Variants in C6orf163 observed in about 807,000 individuals in gnomAD.
C6orf163 encodes the protein chromosome 6 open reading frame 163.
A neutral mutation model predicts 28.4 loss-of-function variants in C6orf163; 22 were observed. The ratio of observed to expected loss-of-function variants is 0.78; its 90% CI spans 0.55 to 1.11. The LOEUF (loss-of-function observed/expected upper bound fraction) is 1.11. Among genes scored for constraint, C6orf163 ranks in the 50% least tolerant of loss-of-function variants. The pLI, the probability that C6orf163 is intolerant of heterozygous loss-of-function variation, is 0.00. For synonymous variants in C6orf163, 110 were observed against 123.6 expected (o/e 0.89, Z 0.73); for missense variants, 342 against 389.1 (o/e 0.88, Z 1.02).
Position 87,350,509 on chromosome 6 carries a change from T to G in C6orf163, c.351+8T>G, listed in dbSNP as rs1172010912. On this transcript the variant is annotated splice_region_variant and intron_variant, in intron 3 of 4. Transcript: ENST00000388923. ...CATCAGAAAGATTTACAGGTTTTTA[T>G]AGTGGCTTATTTGTTGTCTTTTAAA... 1 of 1,423,592 alleles carries G rather than the reference T, an allele frequency of 7.0e-7. No homozygotes were observed. The highest frequency in any genetic ancestry group is 2.5e-5 in the East Asian group (1 of 40,372). The allele number at this position is 1,423,592 out of a possible 1,614,324, so 88.2% of individuals were successfully genotyped here. A position where few individuals can be genotyped will look rare whatever the true frequency, so the allele number is the denominator to read the frequency against.
intron 1 of C6orf163, chr6:87,347,891 C>T (rs536606423): frequency 3.6e-4 from 351 of 984,750 alleles, no homozygotes; most frequent in Non-Finnish European, 3.9e-4. Flanking sequence ...CATGGTGGCT[C>T]ACGCCTGTAA....
Position 87,347,796 on chromosome 6 carries a change from C to T in C6orf163, c.149-1016C>T, listed in dbSNP as rs73755410. Reference sequence around the variant, plus strand: ...TTTACTGCTGCAGCTAGACTTACTCCGGCAGCTGGGAAAGGAGGAATGTGG... The same window carrying T: ...TTTACTGCTGCAGCTAGACTTACTCTGGCAGCTGGGAAAGGAGGAATGTGG... On this transcript the variant is annotated intron_variant, in intron 1 of 4. Coordinates refer to ENST00000388923, the MANE Select transcript of C6orf163 (RefSeq NM_001010868.3). The T allele has an allele frequency of 3.6e-3, 3,568 of 985,484 alleles. 87 individuals are homozygous for T. In the African/African-American group the frequency reaches 0.054, roughly 15 times the overall value. The allele number at this position is 985,484 out of a possible 1,614,324, so 61.0% of individuals were successfully genotyped here. A position where few individuals can be genotyped will look rare whatever the true frequency, so the allele number is the denominator to read the frequency against.
At chr6:87,360,332 C>A (rs1777563722) in intron 4 of C6orf163, among the ~76,000 whole-genome samples, 1 of 151,948 alleles carries the variant, frequency 6.6e-6, no homozygotes, top group African/African-American at 2.4e-5. Flanking sequence ...TTACACATAT[C>A]CCAAGAATTG....
At chr6:87,364,076 G>GAGTTTGAGATCAGC (rs1176437129) in intron 4 of C6orf163, among the ~76,000 whole-genome samples, 2 of 152,122 alleles carry the variant, frequency 1.3e-5, no homozygotes, top group African/African-American at 4.8e-5. Context: ...TTGAGGTCAG[G>GAGTTTGAGATCAGC]AGTTTGAGAT....
chr6:87,358,811 A>C (rs1044593740), intron 4 of C6orf163, among the ~76,000 whole-genome samples: 4 of 152,112 alleles, frequency 2.6e-5, no homozygotes, highest in Admixed American at 2.0e-4. Context: ...ATCATCCTAC[A>C]TATCTTCAGG....
At chr6:87,354,197 T>C (rs994557378) in intron 3 of C6orf163, among the ~76,000 whole-genome samples, 1 of 152,146 alleles carries the variant, frequency 6.6e-6, no homozygotes, top group Non-Finnish European at 1.5e-5. Flanking sequence ...AGATTAAATA[T>C]TGGAAAGTAA....
chr6:87,360,915 C>T (rs572957422), intron 4 of C6orf163, among the ~76,000 whole-genome samples: 24 of 152,286 alleles, frequency 1.6e-4, no homozygotes, highest in African/African-American at 5.8e-4. Context: ...CCTCGACGCA[C>T]TGCACCCCAC....
At chr6:87,346,373 A>G (rs1485555155) in intron 1 of C6orf163, among the ~76,000 whole-genome samples, 2 of 152,210 alleles carry the variant, frequency 1.3e-5, no homozygotes, top group Admixed American at 1.3e-4. Context: ...GCTTAGTATG[A>G]ATGATTCATT....
In C6orf163 at chr6:87,365,319, G is replaced by A. The variant is rs1777629967; in HGVS notation, c.913G>A (p.Ala305Thr). ...YTFPKLSPGH[A>T]DFILPERKKT... ...CTTTCCTAAGCTTTCACCAGGACAT[G>A]CAGATTTTATTCTGCCAGAAAGAAA... The change falls in exon 5 of 5, where the codon GCA (alanine) becomes ACA (threonine). Residue 305 changes from alanine to threonine, a missense_variant. Coordinates refer to ENST00000388923, the MANE Select transcript of C6orf163 (RefSeq NM_001010868.3). 2 of 1,551,478 alleles carry A rather than the reference G, an allele frequency of 1.3e-6. No individual in the cohort carries two copies. Among genetic ancestry groups the A allele is most frequent in the Non-Finnish European group, 1.7e-6 (2 of 1,146,816 alleles).
At chr6:87,349,298 G>A (rs940944021) in intron 2 of C6orf163, among the ~76,000 whole-genome samples, 1 of 152,138 alleles carries the variant, frequency 6.6e-6, no homozygotes, top group South Asian at 2.1e-4. Flanking sequence ...CTTGTTGATA[G>A]TTGTTTCTTA....
intron 1 of C6orf163, chr6:87,347,488 A>G: frequency 1.0e-6 from 1 of 985,394 alleles, no homozygotes; most frequent in Non-Finnish European, 1.2e-6. Flanking sequence ...TTGTCCTAGA[A>G]AATCTTTTCT....
At chr6:87,361,152 G>T (rs908674991) in intron 4 of C6orf163, among the ~76,000 whole-genome samples, 1 of 152,116 alleles carries the variant, frequency 6.6e-6, no homozygotes, top group East Asian at 1.9e-4. Flanking sequence ...GGGCATGGTC[G>T]CACATGCCTG....
In C6orf163 at chr6:87,350,707, T is replaced by C. The variant is rs571169189; in HGVS notation, c.351+206T>C. ...AGTGAAGAAGAACCCCATAGCTTAC[T>C]TCCCAAGGGAAGCTTTGCCTGACCA... On this transcript the variant is annotated intron_variant, in intron 3 of 4. Coordinates refer to ENST00000388923, the MANE Select transcript of C6orf163 (RefSeq NM_001010868.3). Among the ~76,000 whole-genome samples, 4 of 152,340 alleles carry C rather than the reference T, an allele frequency of 2.6e-5. No homozygotes were observed. In the South Asian group the frequency reaches 8.3e-4, roughly 32 times the overall value.
intron 4 of C6orf163, chr6:87,357,563 T>A (rs1199843890): frequency 6.6e-6 from 1 of 152,244 alleles, no homozygotes; most frequent in East Asian, 1.9e-4. Flanking sequence ...ACAGTTTAAC[T>A]GGTACCTCTC....
In C6orf163 at chr6:87,356,379, C is replaced by T; in HGVS notation, c.430C>T (p.Gln144Ter). The T allele has an allele frequency of 6.4e-7, 1 of 1,551,654 alleles. No homozygotes were observed. The change falls in exon 4 of 5, where the codon CAG becomes TAG. Residue 144 changes from glutamine (Q) to a stop codon, truncating the protein, a stop_gained. Coordinates refer to ENST00000388923, the MANE Select transcript of C6orf163 (RefSeq NM_001010868.3). LOFTEE classifies it high-confidence loss of function. Reference sequence around the variant, plus strand: ...GAAGAGAGAGCACTTGGCTGCAGAACAGCGCATGGTCCACAGAATCCAAAG... The same window carrying T: ...GAAGAGAGAGCACTTGGCTGCAGAATAGCGCATGGTCCACAGAATCCAAAG... The part of the protein sequence containing the change: ...EMKREHLAAE[Q>*]RMVHRIQRIM...
At chr6:87,364,667 A>G (rs1777621506) in intron 4 of C6orf163, among the ~76,000 whole-genome samples, 1 of 152,194 alleles carries the variant, frequency 6.6e-6, no homozygotes, top group Non-Finnish European at 1.5e-5. Context: ...TTTAAGCACA[A>G]TGCATGTATA....
chr6:87,352,478 C>T lies in C6orf163; in HGVS notation c.351+1977C>T, dbSNP rs141870694. Among the ~76,000 whole-genome samples the T allele has an allele frequency of 5.1e-4, 78 of 152,226 alleles. 1 individual carries two copies. Among genetic ancestry groups the T allele is most frequent in the African/African-American group, 1.6e-3 (66 of 41,534 alleles). Reference sequence around the variant, plus strand: ...TCAAGACCACCAGGTATTACTCTTACGTGATGTTAAGAGTTTGGTGTGTCT... The same window carrying T: ...TCAAGACCACCAGGTATTACTCTTATGTGATGTTAAGAGTTTGGTGTGTCT... On this transcript the variant is annotated intron_variant, in intron 3 of 4. Coordinates refer to ENST00000388923, the MANE Select transcript of C6orf163 (RefSeq NM_001010868.3).
chr6:87,350,773 T>A (rs1777401202), intron 3 of C6orf163, among the ~76,000 whole-genome samples: 1 of 152,190 alleles, frequency 6.6e-6, no homozygotes, highest in African/African-American at 2.4e-5. Flanking sequence ...GACACCCTGA[T>A]CTTTTTCATA....
At chr6:87,348,304 A>G in intron 1 of C6orf163, 1 of 985,538 alleles carries the variant, frequency 1.0e-6, no homozygotes, top group Non-Finnish European at 1.2e-6. Flanking sequence ...GATCATTGAC[A>G]GAAAAATAGT....
Sources: gnomAD v4.1 joint callset for allele counts (sites outside exome capture counted in the v4.1 genomes callset) on GRCh38, gnomAD v4.1.1 for gene constraint, MANE v1.5 for transcripts, NCBI Gene and HGNC (gene_info 2026-07-23, HGNC 2026-07-21) for gene names.